PRIMA1: variants seen among roughly 807,000 people sequenced by gnomAD.
PRIMA1 encodes the protein proline-rich membrane anchor 1.
PRIMA1 carries 7 observed loss-of-function variants against 17.5 expected under a neutral mutation model. The ratio of observed to expected loss-of-function variants is 0.40; its 90% CI spans 0.23 to 0.75. The LOEUF (loss-of-function observed/expected upper bound fraction) is 0.75. PRIMA1 is among the 30% of genes least tolerant of loss of function. PRIMA1 has a pLI of 0.37. For missense variants in PRIMA1, 200 were observed against 201.8 expected, an observed-to-expected ratio of 0.99 and a Z score of 0.05; for synonymous variants, 97 against 77.9, an observed-to-expected ratio of 1.25 and a Z score of -1.29.
intron 1 of PRIMA1, among the ~76,000 whole-genome samples, 165 bp downstream of exon 1, chr14:93,788,245 C>T (rs541639352): frequency 1.3e-5 from 2 of 152,322 alleles, no homozygotes; most frequent in East Asian, 3.9e-4. Flanking sequence ...TCTCACGCTG[C>T]CTGCACCCAC....
intron 3 of PRIMA1, among the ~76,000 whole-genome samples, chr14:93,753,871 AACCAGG>A (rs1236269988): frequency 3.3e-5 from 5 of 152,208 alleles, no homozygotes; most frequent in Non-Finnish European, 5.9e-5. Flanking sequence ...CCACAATGTG[AACCAGG>A]AACTGCCTTT....
intron 2 of PRIMA1, among the ~76,000 whole-genome samples, chr14:93,785,832 G>A (rs1885507866): frequency 6.6e-6 from 1 of 151,902 alleles, no homozygotes; most frequent in Non-Finnish European, 1.5e-5. Flanking sequence ...AAATTGATTT[G>A]TATTGAGTGA....
intron 3 of PRIMA1, among the ~76,000 whole-genome samples, chr14:93,771,108 G>A (rs543922031): frequency 2.8e-4 from 43 of 151,760 alleles, no homozygotes; most frequent in African/African-American, 5.8e-4. Flanking sequence ...GTGCATGTAC[G>A]CGTGTGCATG....
chr14:93,740,154 C>G (rs2076176178), intron 3 of PRIMA1, among the ~76,000 whole-genome samples: 2 of 152,126 alleles, frequency 1.3e-5, no homozygotes, highest in African/African-American at 4.8e-5. Context: ...GCCTCTCAGT[C>G]AGGGCAGCAC....
chr14:93,749,444 T>C (rs2076247100), intron 3 of PRIMA1, among the ~76,000 whole-genome samples: 1 of 152,174 alleles, frequency 6.6e-6, no homozygotes, highest in Admixed American at 6.5e-5. Context: ...GCTTATAATC[T>C]ACTGGAAATT....
chr14:93,765,885 C>T (rs1884881078), intron 3 of PRIMA1, among the ~76,000 whole-genome samples: 1 of 152,134 alleles, frequency 6.6e-6, no homozygotes, highest in African/African-American at 2.4e-5. Context: ...GTTCTCTTCC[C>T]CAGAAATTAT....
chr14:93,730,023 C>A (rs1315681006), intron 4 of PRIMA1, among the ~76,000 whole-genome samples: 1 of 152,042 alleles, frequency 6.6e-6, no homozygotes, highest in Non-Finnish European at 1.5e-5. Flanking sequence ...TTTCACTCAC[C>A]CAGATAGAGA....
chr14:93,743,225 G>A (rs894541853), intron 3 of PRIMA1, among the ~76,000 whole-genome samples: 3 of 152,296 alleles, frequency 2.0e-5, no homozygotes, highest in Non-Finnish European at 2.9e-5. Context: ...CCCTGGTTCC[G>A]GAGCACAGCC....
At position 93,721,527 on chromosome 14, in the gene PRIMA1, C is replaced by T. The variant is rs141491542; in HGVS notation, c.379G>A (p.Glu127Lys). The change falls in exon 5 of 5, where the codon GAA becomes AAA. Residue 127 changes from glutamate (E) to lysine (K), a missense_variant. Glu to Lys is a moderately conservative substitution (Grantham distance 56, BLOSUM62 1). Transcript: ENST00000393140. ...AIKRKPLRKD[E>K]NGTSVAEYPM... ...TACTCAGCAACGCTGGTGCCATTTT[C>T]GTCTTTTCTCAGTGGTTTCCTGGAA... is the stretch of plus-strand genomic sequence containing the variant. 1.5e-5 allele frequency: 25 copies of T among 1,613,408 alleles called. No individual in the cohort carries two copies. The highest frequency in any genetic ancestry group is 1.3e-4 in the South Asian group (12 of 91,026).
intron 3 of PRIMA1, among the ~76,000 whole-genome samples, chr14:93,742,036 G>T (rs2076187312): frequency 6.6e-6 from 1 of 152,210 alleles, no homozygotes; most frequent in Admixed American, 6.5e-5. Context: ...CAGAGGAGCA[G>T]CTGTCTTCTC....
At chr14:93,784,282 C>T (rs1885460251) in intron 2 of PRIMA1, among the ~76,000 whole-genome samples, 1 of 152,148 alleles carries the variant, frequency 6.6e-6, no homozygotes, top group Non-Finnish European at 1.5e-5. Flanking sequence ...ACCTCTTTGC[C>T]CCTGCCTTAC....
chr14:93,736,535 G>A (rs929652659), intron 4 of PRIMA1, among the ~76,000 whole-genome samples: 1 of 152,246 alleles, frequency 6.6e-6, no homozygotes, highest in East Asian at 1.9e-4. Flanking sequence ...CAGATGCCCA[G>A]GACATGGCCT....
intron 3 of PRIMA1, among the ~76,000 whole-genome samples, chr14:93,742,243 C>T (rs983693925): frequency 6.6e-6 from 1 of 152,170 alleles, no homozygotes; most frequent in Non-Finnish European, 1.5e-5. Flanking sequence ...CTACCATAGG[C>T]CCAGCTCACT....
intron 3 of PRIMA1, among the ~76,000 whole-genome samples, chr14:93,746,434 T>C (rs189248498): frequency 3.3e-4 from 50 of 151,916 alleles, no homozygotes; most frequent in African/African-American, 1.2e-3. Context: ...TACAGGTATC[T>C]GGGGGAAGGA....
intron 3 of PRIMA1, among the ~76,000 whole-genome samples, chr14:93,766,991 A>C (rs942310912): frequency 6.6e-6 from 1 of 152,260 alleles, no homozygotes; most frequent in African/African-American, 2.4e-5. Context: ...AACAAATGAC[A>C]GGGCATCAAG....
chr14:93,747,166 G>A (rs1026949741), intron 3 of PRIMA1, among the ~76,000 whole-genome samples: 9 of 152,184 alleles, frequency 5.9e-5, no homozygotes, highest in African/African-American at 2.2e-4. Context: ...ATGAGGAGGT[G>A]CAGAGGAGGG....
At chr14:93,725,928 C>T (rs2076072408) in intron 4 of PRIMA1, 2 of 456,440 alleles carry the variant, frequency 4.4e-6, no homozygotes, top group South Asian at 3.1e-5. Flanking sequence ...TGAGGCTGGT[C>T]TCATTAAACC....
chr14:93,754,668 C>T (rs555605557), intron 3 of PRIMA1, among the ~76,000 whole-genome samples: 1 of 152,304 alleles, frequency 6.6e-6, no homozygotes, highest in Admixed American at 6.5e-5. Context: ...CAAGTTCTTC[C>T]CCTTTAATTC....
chr14:93,749,218 A>G (rs1042870566), intron 3 of PRIMA1, among the ~76,000 whole-genome samples: 1 of 152,198 alleles, frequency 6.6e-6, no homozygotes, highest in African/African-American at 2.4e-5. Flanking sequence ...GAAGGTCCGC[A>G]TACTTGCCAG....
Sources: gnomAD v4.1 joint callset for allele counts (sites outside exome capture counted in the v4.1 genomes callset) on GRCh38, gnomAD v4.1.1 for gene constraint, MANE v1.5 for transcripts, NCBI Gene and HGNC (gene_info 2026-07-23, HGNC 2026-07-21) for gene names.